Variants in THSD7B observed in about 807,000 individuals in gnomAD.
THSD7B encodes the protein thrombospondin type 1 domain containing 7B, also known as thrombospondin type-1 domain-containing protein 7B.
Under a neutral mutation model 213.6 loss-of-function variants are expected in THSD7B, and 138 were observed. The observed-to-expected ratio is 0.65, with a 90% CI of 0.56 to 0.74. THSD7B has a LOEUF of 0.74. Ranked by LOEUF, THSD7B falls within the 30% of genes least tolerant of loss-of-function variation. The pLI is 0.00. For missense variants in THSD7B, 1,931 were observed against 1,991.5 expected (o/e 0.97, Z 0.58); for synonymous variants, 742 against 687.0 (o/e 1.08, Z -1.25).
intron 7 of THSD7B, among the ~76,000 whole-genome samples, chr2:137,199,674 T>C (rs1283979829): frequency 6.6e-6 from 1 of 152,170 alleles, no homozygotes; most frequent in Non-Finnish European, 1.5e-5. Flanking sequence ...AAAACACTCT[T>C]GATAAAAAAT....
At chr2:136,938,714 G>A (rs1156445350) in intron 2 of THSD7B, among the ~76,000 whole-genome samples, 3 of 152,156 alleles carry the variant, frequency 2.0e-5, no homozygotes, top group Non-Finnish European at 2.9e-5. Context: ...TGGGAAGGTT[G>A]CATTTGATGC....
At chr2:137,256,706 A>G (rs547679978) in intron 10 of THSD7B, among the ~76,000 whole-genome samples, 1 of 152,318 alleles carries the variant, frequency 6.6e-6, no homozygotes, top group East Asian at 1.9e-4. Flanking sequence ...GAAAAAGAAA[A>G]TAGTATAGAA....
At chr2:137,026,618 G>A (rs548622945) in intron 2 of THSD7B, among the ~76,000 whole-genome samples, 1 of 152,094 alleles carries the variant, frequency 6.6e-6, no homozygotes, top group African/African-American at 2.4e-5. Context: ...TATTTCTTAT[G>A]TATCCTTCTT....
At chr2:136,768,373 A>G (rs1466536045) in intron 1 of THSD7B, among the ~76,000 whole-genome samples, 3 of 152,158 alleles carry the variant, frequency 2.0e-5, no homozygotes, top group Non-Finnish European at 2.9e-5. Context: ...ACAAATTGAA[A>G]CTGGAGTTGT....
chr2:137,335,998 G>T (rs1684629891), intron 12 of THSD7B, among the ~76,000 whole-genome samples: 3 of 151,830 alleles, frequency 2.0e-5, no homozygotes, highest in Admixed American at 1.3e-4. Context: ...AACCATCAAT[G>T]AATATTATTT....
intron 3 of THSD7B, among the ~76,000 whole-genome samples, chr2:137,080,457 G>T (rs918382331): frequency 3.6e-5 from 5 of 140,576 alleles, no homozygotes; most frequent in Non-Finnish European, 7.6e-5. Context: ...CAAGTCATTT[G>T]CTTGCCTTGG....
intron 12 of THSD7B, among the ~76,000 whole-genome samples, chr2:137,336,199 A>G (rs1573968399): frequency 6.6e-6 from 1 of 152,158 alleles, no homozygotes; most frequent in Admixed American, 6.6e-5. Context: ...TTTTAGGACT[A>G]TTTATAATTT....
At chr2:137,215,905 T>C (rs1681230735) in intron 7 of THSD7B, among the ~76,000 whole-genome samples, 1 of 152,198 alleles carries the variant, frequency 6.6e-6, no homozygotes, top group African/African-American at 2.4e-5. Context: ...GGCCCAGAAG[T>C]AAATAAAGAT....
intron 1 of THSD7B, among the ~76,000 whole-genome samples, chr2:136,865,751 C>T (rs1683321714): frequency 6.6e-6 from 1 of 152,186 alleles, no homozygotes; most frequent in Admixed American, 6.5e-5. Flanking sequence ...ATCCCTGGAG[C>T]TGGCGTTACC....
At chr2:137,280,008 T>G (rs1682969586) in intron 12 of THSD7B, among the ~76,000 whole-genome samples, 1 of 152,162 alleles carries the variant, frequency 6.6e-6, no homozygotes, top group South Asian at 2.1e-4. Flanking sequence ...TGAAGGATTC[T>G]CCTCTCTTGC....
At chr2:137,038,429 G>A (rs1180946563) in intron 2 of THSD7B, among the ~76,000 whole-genome samples, 1 of 152,154 alleles carries the variant, frequency 6.6e-6, no homozygotes, top group Non-Finnish European at 1.5e-5. Context: ...CTGCTGATGA[G>A]CCCGGCATCC....
chr2:137,664,640 T>A (rs1353139149), intron 26 of THSD7B, among the ~76,000 whole-genome samples: 3 of 152,190 alleles, frequency 2.0e-5, no homozygotes, highest in Non-Finnish European at 2.9e-5. Flanking sequence ...ATTTGAGAGA[T>A]GAGGAAACTG....
At chr2:137,361,616 T>G (rs1685262439) in intron 12 of THSD7B, among the ~76,000 whole-genome samples, 1 of 151,988 alleles carries the variant, frequency 6.6e-6, no homozygotes, top group Admixed American at 6.6e-5. Flanking sequence ...TTTGATCAAG[T>G]GGAAGGAAGG....
chr2:137,494,683 T>G (rs1679519353), intron 15 of THSD7B, among the ~76,000 whole-genome samples: 1 of 152,226 alleles, frequency 6.6e-6, no homozygotes, highest in African/African-American at 2.4e-5. Context: ...CATCTACTTT[T>G]AACTTCTTCA....
intron 7 of THSD7B, among the ~76,000 whole-genome samples, chr2:137,207,562 G>A (rs891094988): frequency 6.6e-6 from 1 of 152,040 alleles, no homozygotes; most frequent in Non-Finnish European, 1.5e-5. Context: ...AAATCATGGA[G>A]CTTAAAAGCA....
At chr2:137,084,545 A>G (rs1277843402) in intron 3 of THSD7B, among the ~76,000 whole-genome samples, 1 of 152,190 alleles carries the variant, frequency 6.6e-6, no homozygotes, top group Non-Finnish European at 1.5e-5. Context: ...AGTATATTTG[A>G]GCCATTTGGC....
chr2:137,153,705 C>T (rs1432226), intron 5 of THSD7B, among the ~76,000 whole-genome samples: 56,390 of 151,954 alleles, frequency 0.37, 11,742 homozygotes, highest in Non-Finnish European at 0.46. Context: ...TTATCTTTCC[C>T]CTTCCACCAT....
At chr2:137,454,424 GTCTATCTA>G (rs57128305) in intron 15 of THSD7B, among the ~76,000 whole-genome samples, 11,752 of 139,732 alleles carry the variant, frequency 0.084, 908 homozygotes, top group African/African-American at 0.2. Context: ...CTGTCTGTCT[GTCTATCTA>G]TCTATCTATC....
chr2:137,585,185 TC>T (rs1204169524), intron 17 of THSD7B, among the ~76,000 whole-genome samples: 1 of 152,190 alleles, frequency 6.6e-6, no homozygotes, highest in Non-Finnish European at 1.5e-5. Flanking sequence ...AGTGGTGATA[TC>T]CTTTTTATCA....
Sources: allele counts gnomAD v4.1 joint callset (sites outside exome capture counted in the v4.1 genomes callset), GRCh38; gene constraint gnomAD v4.1.1; transcripts MANE v1.5; gene names NCBI Gene and HGNC (gene_info 2026-07-23, HGNC 2026-07-21).